The following SGCZ variants were observed in gnomAD, a reference collection of about 807,000 sequenced individuals.
The protein encoded by SGCZ is zeta-sarcoglycan.
SGCZ carries 40 observed loss-of-function variants against 41.3 expected under a neutral mutation model. That is an observed-to-expected ratio of 0.97 (90% CI 0.75 to 1.26). The LOEUF is 1.26. Among genes scored for constraint, SGCZ ranks in the 50% most tolerant of loss-of-function variants. The pLI, the probability that SGCZ is intolerant of heterozygous loss-of-function variation, is 0.00. For synonymous variants in SGCZ, 206 were observed against 137.5 expected (o/e 1.50, Z -3.49); for missense variants, 552 against 369.8 (o/e 1.49, Z -4.04).
chr8:14,371,770 T>A (rs910488214), intron 2 of SGCZ, among the ~76,000 whole-genome samples: 1 of 152,136 alleles, frequency 6.6e-6, no homozygotes, highest in African/African-American at 2.4e-5. Context: ...AGGTTTAGGG[T>A]GACAAATAAA....
intron 1 of SGCZ, among the ~76,000 whole-genome samples, chr8:15,004,748 G>C (rs993658195): frequency 1.3e-5 from 2 of 152,290 alleles, no homozygotes; most frequent in East Asian, 3.9e-4. Flanking sequence ...ACAAAAGTAT[G>C]TATTATAAGG....
intron 1 of SGCZ, among the ~76,000 whole-genome samples, chr8:15,035,419 T>C (rs1292811329): frequency 6.6e-6 from 1 of 151,962 alleles, no homozygotes; most frequent in Non-Finnish European, 1.5e-5. Context: ...AGGAAAACCA[T>C]AAGACAGGAA....
chr8:14,995,001 G>A (rs1802163576), intron 1 of SGCZ, among the ~76,000 whole-genome samples: 1 of 152,188 alleles, frequency 6.6e-6, no homozygotes, highest in Non-Finnish European at 1.5e-5. Flanking sequence ...TGGAGAAAAT[G>A]CCAAAGAAAA....
chr8:14,331,843 T>C (rs1802338182), intron 2 of SGCZ, among the ~76,000 whole-genome samples: 1 of 151,864 alleles, frequency 6.6e-6, no homozygotes, highest in Non-Finnish European at 1.5e-5. Flanking sequence ...CAAATGCTTT[T>C]TTAAAAGCAT....
At chr8:14,964,130 T>C (rs915502803) in intron 1 of SGCZ, among the ~76,000 whole-genome samples, 4 of 152,192 alleles carry the variant, frequency 2.6e-5, no homozygotes, top group Non-Finnish European at 5.9e-5. Context: ...CTTTAGTTAA[T>C]CCCCTCCACT....
At chr8:14,827,536 A>G (rs1177904068) in intron 1 of SGCZ, among the ~76,000 whole-genome samples, 2 of 152,050 alleles carry the variant, frequency 1.3e-5, no homozygotes, top group East Asian at 1.9e-4. Context: ...CCATTTGCCA[A>G]TTCCATGTCA....
rs1798980626 is a variant in SGCZ at position 14,901,779 on chromosome 8, C to G, written c.39+335806G>C. On this transcript the variant is annotated intron_variant, in intron 1 of 7. Transcript: ENST00000382080. ...ACAAATCAGACTTAACAGACTATAC[C>G]AAGAAAATATCTATTTTTGTATGTT... is the stretch of plus-strand genomic sequence containing the variant. Among the ~76,000 whole-genome samples the G allele has an allele frequency of 2.0e-5, 3 of 152,022 alleles. No homozygotes were observed. In the South Asian group the frequency reaches 6.2e-4, roughly 32 times the overall value.
Position 14,766,019 on chromosome 8 carries a change from G to A in SGCZ, c.40-211093C>T, listed in dbSNP as rs1193846727. On this transcript the variant is annotated intron_variant, in intron 1 of 7. Coordinates refer to ENST00000382080, the MANE Select transcript of SGCZ (RefSeq NM_139167.4). Reference sequence around the variant, plus strand: ...TGACTGTCGACCAGGCTGGAGTACAGTGGCATGATCTCGGCTCACTGCAAC... The same window carrying A: ...TGACTGTCGACCAGGCTGGAGTACAATGGCATGATCTCGGCTCACTGCAAC... Among the ~76,000 whole-genome samples, 7 of 149,390 alleles carry A rather than the reference G, an allele frequency of 4.7e-5. No homozygotes were observed. In the South Asian group the frequency reaches 8.4e-4, roughly 18 times the overall value.
At position 14,711,865 on chromosome 8, in the gene SGCZ, C is replaced by T. The variant is rs149307482; in HGVS notation, c.40-156939G>A. On this transcript the variant is annotated intron_variant, in intron 1 of 7. Coordinates refer to ENST00000382080, the MANE Select transcript of SGCZ (RefSeq NM_139167.4). ...CTGTTTGTTTGCTTGTTTGGTTTTT[C>T]GCTTAATTGAAAGCCAATATACTGA... Among the ~76,000 whole-genome samples the T allele has an allele frequency of 1.4e-3, 216 of 152,190 alleles. 5 individuals are homozygous for T. Among genetic ancestry groups the T allele is most frequent in the African/African-American group, 4.9e-3 (203 of 41,528 alleles).
At chr8:14,579,206 TAA>T (rs1804807982) in intron 1 of SGCZ, among the ~76,000 whole-genome samples, 1 of 152,180 alleles carries the variant, frequency 6.6e-6, no homozygotes, top group South Asian at 2.1e-4. Flanking sequence ...CCAATGTTAC[TAA>T]AGTCATCTCA....
chr8:14,810,404 C>T (rs576097842), intron 1 of SGCZ, among the ~76,000 whole-genome samples: 4 of 151,988 alleles, frequency 2.6e-5, no homozygotes, highest in Middle Eastern at 3.4e-3. Flanking sequence ...AATGGTGCAG[C>T]AGTGTGTATG....
At chr8:15,172,179 T>TG (rs1799858891) in intron 1 of SGCZ, among the ~76,000 whole-genome samples, 1 of 142,196 alleles carries the variant, frequency 7.0e-6, no homozygotes, top group Non-Finnish European at 1.5e-5. Context: ...TTTTTTTTTT[T>TG]GAGACGGAGT....
rs138102680 is a variant in SGCZ, at chr8:14,087,845, C to G, written c.*2598G>C. Among the ~76,000 whole-genome samples, 664 of 151,750 alleles carry G rather than the reference C, an allele frequency of 4.4e-3. 2 individuals carry two copies. The highest frequency in any genetic ancestry group is 7.2e-3 in the Non-Finnish European group (490 of 67,752). On this transcript the variant is annotated 3_prime_UTR_variant, in exon 8 of 8. Transcript: ENST00000382080. ...TTGGCTTAGATTCAGAAATCTGAAA[C>G]AGCTAGTCAGATAACTTAAAGCAAT...
intron 1 of SGCZ, among the ~76,000 whole-genome samples, chr8:14,572,793 T>C (rs1804594579): frequency 6.6e-6 from 1 of 151,414 alleles, no homozygotes. Context: ...GCTCCAAAAA[T>C]TTAACACACT....
intron 2 of SGCZ, among the ~76,000 whole-genome samples, chr8:14,470,109 CTG>C (rs1271286425): frequency 3.3e-5 from 5 of 152,002 alleles, no homozygotes; most frequent in Non-Finnish European, 7.4e-5. Flanking sequence ...TCTGTGAGGT[CTG>C]ATGCTGTCTC....
chr8:14,916,846 G>A (rs527488939), intron 1 of SGCZ, among the ~76,000 whole-genome samples: 19 of 152,052 alleles, frequency 1.2e-4, no homozygotes, highest in South Asian at 6.2e-4. Context: ...AAAAATAGAC[G>A]CATAGTTATT....
chr8:14,794,114 C>G (rs1801046712), intron 1 of SGCZ, among the ~76,000 whole-genome samples: 1 of 152,080 alleles, frequency 6.6e-6, no homozygotes, highest in Non-Finnish European at 1.5e-5. Flanking sequence ...GTTCAAAAAT[C>G]AATATATTCA....
chr8:14,298,808 G>T (rs1024690684), intron 3 of SGCZ, among the ~76,000 whole-genome samples: 2 of 151,882 alleles, frequency 1.3e-5, no homozygotes, highest in East Asian at 1.9e-4. Flanking sequence ...AATTCTAACT[G>T]GTGTGTGTGG....
chr8:14,370,264 C>A (rs994923272), intron 2 of SGCZ, among the ~76,000 whole-genome samples: 2 of 151,964 alleles, frequency 1.3e-5, no homozygotes, highest in Non-Finnish European at 2.9e-5. Context: ...AGACAACTTT[C>A]ATCACATGGC....
Sources: gnomAD v4.1 joint callset for allele counts (sites outside exome capture counted in the v4.1 genomes callset) on GRCh38, gnomAD v4.1.1 for gene constraint, MANE v1.5 for transcripts, NCBI Gene and HGNC (gene_info 2026-07-23, HGNC 2026-07-21) for gene names.